Variants in CDC42BPB observed in about 807,000 individuals in gnomAD.
The protein encoded by CDC42BPB is serine/threonine-protein kinase MRCK beta.
A neutral mutation model predicts 214.9 loss-of-function variants in CDC42BPB; 37 were observed. The observed-to-expected ratio is 0.17, with a 90% CI of 0.13 to 0.23. The LOEUF is 0.23. Among genes scored for constraint, CDC42BPB ranks in the 10% least tolerant of loss-of-function variants. The pLI is 1.00. For missense variants in CDC42BPB, 1,694 were observed against 2,227.0 expected (o/e 0.76, Z 4.82); for synonymous variants, 931 against 884.0 (o/e 1.05, Z -0.94).
chr14:102,997,612 G>C, intron 5 of CDC42BPB, among the ~76,000 whole-genome samples: 1 of 152,292 alleles, frequency 6.6e-6, no homozygotes, highest in South Asian at 2.1e-4. Flanking sequence ...GAGACTACCC[G>C]ATGCATGTCC....
intron 24 of CDC42BPB, among the ~76,000 whole-genome samples, chr14:102,952,014 G>A (rs570775760): frequency 1.3e-5 from 2 of 152,214 alleles, no homozygotes; most frequent in South Asian, 2.1e-4. Flanking sequence ...GCACAGCAGG[G>A]ATCCACGGTT....
At chr14:103,024,545 A>T (rs1301439518) in intron 1 of CDC42BPB, among the ~76,000 whole-genome samples, 1 of 152,234 alleles carries the variant, frequency 6.6e-6, no homozygotes, top group Non-Finnish European at 1.5e-5. Context: ...AATTTGGGGA[A>T]TTTTTAGCAA....
chr14:102,966,516 T>A, intron 17 of CDC42BPB, 129 bp from the exon 18 acceptor site: 1 of 1,469,294 alleles, frequency 6.8e-7, no homozygotes, highest in South Asian at 1.3e-5. Flanking sequence ...GTGCCCGCAG[T>A]GTACCCGTTG....
At chr14:102,959,838 TAAAAAAA>T (rs35833302) in intron 20 of CDC42BPB, 128 bp from the exon 21 acceptor site, 7 of 718,122 alleles carry the variant, frequency 9.7e-6, no homozygotes, top group African/African-American at 2.9e-5. Context: ...TGATCACAAT[TAAAAAAA>T]AAAAAAAAAA....
chr14:103,010,487 T>TC (rs1886092908), intron 2 of CDC42BPB, among the ~76,000 whole-genome samples: 1 of 152,182 alleles, frequency 6.6e-6, no homozygotes, highest in African/African-American at 2.4e-5. Flanking sequence ...GGGGGCTATT[T>TC]CCCTAAAGTA....
chr14:102,972,484 C>T (rs1204498542), intron 12 of CDC42BPB, among the ~76,000 whole-genome samples: 4 of 151,880 alleles, frequency 2.6e-5, no homozygotes, highest in South Asian at 2.1e-4. Flanking sequence ...GTCAGGAGAT[C>T]GAGACCATCC....
At chr14:102,951,230 G>A (rs1255789218) in intron 24 of CDC42BPB, among the ~76,000 whole-genome samples, 2 of 152,238 alleles carry the variant, frequency 1.3e-5, no homozygotes, top group Non-Finnish European at 2.9e-5. Flanking sequence ...GGGACGTGGG[G>A]TCTTGGCAGC....
intron 21 of CDC42BPB, among the ~76,000 whole-genome samples, chr14:102,958,775 C>A (rs994805817): frequency 3.9e-5 from 6 of 152,240 alleles, no homozygotes; most frequent in African/African-American, 1.4e-4. Context: ...CATCGATCCC[C>A]AATGCCGAAC....
chr14:103,027,177 A>G (rs1036503203), intron 1 of CDC42BPB, among the ~76,000 whole-genome samples: 1 of 152,238 alleles, frequency 6.6e-6, no homozygotes, highest in Non-Finnish European at 1.5e-5. Context: ...AATAAAAAAG[A>G]CAAATCATAA....
At chr14:102,947,682 C>T (rs1216751195) in intron 27 of CDC42BPB, 39 bp downstream of exon 27, 1 of 1,517,424 alleles carries the variant, frequency 6.6e-7, no homozygotes, top group Admixed American at 1.7e-5. Context: ...TCAGTTTTAA[C>T]CATGTGCTTT....
chr14:103,020,384 G>A (rs766210743), intron 1 of CDC42BPB, among the ~76,000 whole-genome samples: 13 of 152,144 alleles, frequency 8.5e-5, no homozygotes, highest in Non-Finnish European at 1.5e-4. Context: ...CTACCACTCC[G>A]TCCCTTCAAG....
At chr14:103,018,467 A>G (rs541980284) in intron 1 of CDC42BPB, among the ~76,000 whole-genome samples, 61 of 152,362 alleles carry the variant, frequency 4.0e-4, no homozygotes, top group East Asian at 1.2e-3. Context: ...CCCCATTAAG[A>G]TAACAATGGT....
chr14:102,997,404 C>T (rs911380551), intron 5 of CDC42BPB, among the ~76,000 whole-genome samples: 1 of 152,184 alleles, frequency 6.6e-6, no homozygotes, highest in Non-Finnish European at 1.5e-5. Flanking sequence ...AGGACACGCG[C>T]TACCAAGCCA....
intron 21 of CDC42BPB, among the ~76,000 whole-genome samples, chr14:102,957,024 C>CAAAA (rs1183767118): frequency 2.1e-5 from 1 of 48,190 alleles, no homozygotes; most frequent in Non-Finnish European, 4.0e-5. Flanking sequence ...ACTAAAAATA[C>CAAAA]AAAAAAAAAA....
Position 103,001,632 on chromosome 14 carries a change from C to T in CDC42BPB, c.448-1919G>A, listed in dbSNP as rs888314343. Among the ~76,000 whole-genome samples, 1 of 152,178 alleles carries T rather than the reference C, an allele frequency of 6.6e-6. No individual in the cohort carries two copies. Among genetic ancestry groups the T allele is most frequent in the Non-Finnish European group, 1.5e-5 (1 of 68,026 alleles). On this transcript the variant is annotated intron_variant, in intron 4 of 36. Transcript: ENST00000361246. The surrounding 1 kb of genome is among the most constrained non-coding windows in gnomAD (Gnocchi z 5.8). The stretch of plus-strand genomic sequence containing the variant: ...GTTCAGAAGCCCAGGCACCGAGGTG[C>T]CACTGCGTGTGGAGGGCGATGCAGA...
intron 36 of CDC42BPB, among the ~76,000 whole-genome samples, chr14:102,937,641 T>C (rs1891699226): frequency 6.6e-6 from 1 of 152,368 alleles, no homozygotes; most frequent in East Asian, 1.9e-4. Flanking sequence ...GCCAGAGCAG[T>C]GTGGCTGAGC....
At chr14:102,967,378 C>G in intron 16 of CDC42BPB, 1 of 985,298 alleles carries the variant, frequency 1.0e-6, no homozygotes, top group Non-Finnish European at 1.2e-6. Flanking sequence ...ACTGATGGAG[C>G]TGGAGCTAGT....
intron 1 of CDC42BPB, among the ~76,000 whole-genome samples, chr14:103,053,539 A>T (rs570004733): frequency 6.6e-6 from 1 of 151,892 alleles, no homozygotes; most frequent in Non-Finnish European, 1.5e-5. Context: ...AGGGGGGCAG[A>T]TCACGAGGTC....
intron 5 of CDC42BPB, among the ~76,000 whole-genome samples, chr14:102,994,431 C>T (rs759602483): frequency 6.6e-6 from 1 of 152,096 alleles, no homozygotes; most frequent in African/African-American, 2.4e-5. Context: ...CAGAAGAGCA[C>T]TGGAGGTTCA....
Sources: allele counts gnomAD v4.1 joint callset (sites outside exome capture counted in the v4.1 genomes callset), GRCh38; gene constraint gnomAD v4.1.1; non-coding constraint Gnocchi (gnomAD v3.1); transcripts MANE v1.5; gene names NCBI Gene and HGNC (gene_info 2026-07-23, HGNC 2026-07-21).